The following CDH18 variants were observed in gnomAD, a reference collection of about 807,000 sequenced individuals.
CDH18 encodes cadherin 18.
A neutral mutation model predicts 67.9 loss-of-function variants in CDH18; 31 were observed. The ratio of observed to expected loss-of-function variants is 0.46; its 90% confidence interval spans 0.34 to 0.62. The LOEUF (loss-of-function observed/expected upper bound fraction) is 0.62, where lower values mean the gene tolerates loss of function less well. Ranked by LOEUF, CDH18 falls within the 20% of genes least tolerant of loss-of-function variation. The pLI, the probability that CDH18 is intolerant of heterozygous loss-of-function variation, is 0.01. For synonymous variants in CDH18, 362 were observed against 347.2 expected, an observed-to-expected ratio of 1.04 and a Z score of -0.48; for missense variants, 890 against 975.5, an observed-to-expected ratio of 0.91 and a Z score of 1.17.
chr5:20,245,119 T>G (rs989659215), intron 2 of CDH18, among the ~76,000 whole-genome samples: 1 of 152,128 alleles, frequency 6.6e-6, no homozygotes, highest in Non-Finnish European at 1.5e-5. Context: ...TTCTTTTCCT[T>G]GCAGAGCAGG....
At chr5:19,554,134 G>A (rs1737957644) in intron 8 of CDH18, among the ~76,000 whole-genome samples, 1 of 152,084 alleles carries the variant, frequency 6.6e-6, no homozygotes, top group Non-Finnish European at 1.5e-5. Context: ...TTAATAGGAT[G>A]GACAGCACAC....
At chr5:20,156,924 GT>G in intron 2 of CDH18, among the ~76,000 whole-genome samples, 1 of 152,266 alleles carries the variant, frequency 6.6e-6, no homozygotes, top group Non-Finnish European at 1.5e-5. Flanking sequence ...TGATATAGTA[GT>G]CCCCCCTTAT....
At chr5:20,302,283 A>C (rs1292440051) in intron 1 of CDH18, among the ~76,000 whole-genome samples, 1 of 152,194 alleles carries the variant, frequency 6.6e-6, no homozygotes, top group Non-Finnish European at 1.5e-5. Context: ...TCATCTTTTT[A>C]AAAGTTGAAT....
chr5:19,719,027 C>T (rs1312333047), intron 5 of CDH18, among the ~76,000 whole-genome samples: 1 of 151,996 alleles, frequency 6.6e-6, no homozygotes, highest in Non-Finnish European at 1.5e-5. Context: ...GCATTGGTCT[C>T]AGTGACCTAA....
chr5:20,287,453 T>C (rs1233135231), intron 1 of CDH18, among the ~76,000 whole-genome samples: 1 of 151,816 alleles, frequency 6.6e-6, no homozygotes, highest in Non-Finnish European at 1.5e-5. Context: ...TCTGTTTCTA[T>C]ATAAGTTTCA....
intron 4 of CDH18, 91 bp from the exon 5 acceptor site, chr5:19,721,557 T>A: frequency 8.6e-7 from 1 of 1,161,782 alleles, no homozygotes; most frequent in Non-Finnish European, 1.2e-6. Context: ...GAAATAGCTA[T>A]GGAGATCAGT....
chr5:19,504,003 TATC>T (rs1421190062), intron 10 of CDH18, among the ~76,000 whole-genome samples: 1 of 146,594 alleles, frequency 6.8e-6, no homozygotes, highest in African/African-American at 2.6e-5. Context: ...ATTGAACTAA[TATC>T]ATTTCTTAGA....
At chr5:20,347,037 A>G (rs986860786) in intron 1 of CDH18, among the ~76,000 whole-genome samples, 5 of 152,156 alleles carry the variant, frequency 3.3e-5, no homozygotes, top group African/African-American at 7.2e-5. Flanking sequence ...GGAGCCAACC[A>G]TCTACTTTGT....
intron 5 of CDH18, 21 bp downstream of exon 5, chr5:19,721,326 G>T (rs1210743581): frequency 1.3e-6 from 2 of 1,559,440 alleles, no homozygotes; most frequent in Non-Finnish European, 1.7e-6. Flanking sequence ...TTGCATGCGA[G>T]TTATGTGTAA....
chr5:19,655,791 G>C (rs1205912670), intron 5 of CDH18, among the ~76,000 whole-genome samples: 3 of 152,026 alleles, frequency 2.0e-5, no homozygotes, highest in Non-Finnish European at 2.9e-5. Flanking sequence ...TTATCCCGGT[G>C]TCTCTGGAAG....
chr5:19,943,190 G>T (rs567422822), intron 2 of CDH18, among the ~76,000 whole-genome samples: 1 of 152,220 alleles, frequency 6.6e-6, no homozygotes, highest in East Asian at 1.9e-4. Flanking sequence ...TCTTTTTGTT[G>T]TTGTTGTTTG....
intron 2 of CDH18, among the ~76,000 whole-genome samples, chr5:20,183,640 C>A (rs1310221997): frequency 2.0e-5 from 3 of 151,996 alleles, no homozygotes; most frequent in Non-Finnish European, 2.9e-5. Flanking sequence ...TATTCAAAAT[C>A]TTTTTGTTTA....
chr5:20,127,053 C>T (rs1254817265), intron 2 of CDH18, among the ~76,000 whole-genome samples: 1 of 152,084 alleles, frequency 6.6e-6, no homozygotes, highest in East Asian at 1.9e-4. Flanking sequence ...GTGTCCCCAC[C>T]CAAATCTCAC....
intron 1 of CDH18, among the ~76,000 whole-genome samples, chr5:20,396,485 A>G (rs1279684417): frequency 6.6e-6 from 1 of 152,030 alleles, no homozygotes; most frequent in Non-Finnish European, 1.5e-5. Context: ...ATCATTAAGC[A>G]TAATGAAGCT....
Position 19,473,188 on chromosome 5 carries a change from C to T in CDH18, c.*38G>A. The T allele has an allele frequency of 1.3e-6, 2 of 1,594,560 alleles. No homozygotes were observed. The highest frequency in any genetic ancestry group is 1.7e-6 in the Non-Finnish European group (2 of 1,169,146). On this transcript the variant is annotated 3_prime_UTR_variant, in exon 13 of 13. Transcript: ENST00000382275. ...TGCTGAGGTTGTATATCCACTTACT[C>T]AGGAAGCAAATTCCACAAGGTTGCA...
intron 2 of CDH18, among the ~76,000 whole-genome samples, chr5:19,901,884 CTAAA>C (rs569803132): frequency 9.6e-4 from 146 of 151,664 alleles, no homozygotes; most frequent in East Asian, 4.5e-3. Flanking sequence ...CATTCAATAA[CTAAA>C]TAAATAATAA....
intron 2 of CDH18, among the ~76,000 whole-genome samples, chr5:20,171,856 T>C (rs1205791150): frequency 2.0e-5 from 3 of 151,866 alleles, no homozygotes; most frequent in Non-Finnish European, 4.4e-5. Context: ...AGGTCTTCCA[T>C]TTAAGTCTTT....
chr5:20,010,705 G>A (rs1580021607), intron 2 of CDH18, among the ~76,000 whole-genome samples: 1 of 152,070 alleles, frequency 6.6e-6, no homozygotes. Context: ...CACCTTTCTG[G>A]TTGTGCCTTC....
intron 1 of CDH18, among the ~76,000 whole-genome samples, chr5:20,266,103 G>C (rs1028187183): frequency 3.9e-5 from 6 of 152,138 alleles, no homozygotes; most frequent in African/African-American, 9.7e-5. Context: ...TGGTTCTCAG[G>C]CTTCTGGGTT....
Sources: allele counts gnomAD v4.1 joint callset (sites outside exome capture counted in the v4.1 genomes callset), GRCh38; gene constraint gnomAD v4.1.1; transcripts MANE v1.5; gene names NCBI Gene and HGNC (gene_info 2026-07-23, HGNC 2026-07-21).